The following KIAA1755 variants were observed in gnomAD, a reference collection of about 807,000 sequenced individuals.
The protein encoded by KIAA1755 is KIAA1755, also known as uncharacterized protein KIAA1755.
KIAA1755 carries 68 observed loss-of-function variants against 91.7 expected under a neutral mutation model. That is an observed-to-expected ratio of 0.74 (90% CI 0.61 to 0.91). The LOEUF is 0.91. KIAA1755 is among the 40% of genes least tolerant of loss of function. KIAA1755 has a pLI of 0.00. For synonymous variants in KIAA1755, 610 were observed against 604.6 expected, an observed-to-expected ratio of 1.01 and a Z score of -0.13; for missense variants, 1,535 against 1,494.4, an observed-to-expected ratio of 1.03 and a Z score of -0.45.
intron 10 of KIAA1755, among the ~76,000 whole-genome samples, chr20:38,220,714 G>A (rs534142528): frequency 2.0e-5 from 3 of 152,172 alleles, no homozygotes; most frequent in African/African-American, 7.2e-5. Flanking sequence ...AGTGCCCAGC[G>A]CACGATGTTT....
intron 1 of KIAA1755, among the ~76,000 whole-genome samples, chr20:38,259,648 T>G (rs2076405411): frequency 6.6e-6 from 1 of 151,580 alleles, no homozygotes; most frequent in Non-Finnish European, 1.5e-5. Flanking sequence ...AGTCACAGGG[T>G]TAAAGCCTTG....
At chr20:38,228,723 G>C (rs1256475159) in intron 5 of KIAA1755, among the ~76,000 whole-genome samples, 2 of 152,160 alleles carry the variant, frequency 1.3e-5, no homozygotes, top group African/African-American at 4.8e-5. Context: ...TGATATGTGA[G>C]GGAAAGTTTT....
chr20:38,227,472 C>T (rs750368999), intron 6 of KIAA1755, among the ~76,000 whole-genome samples: 1 of 152,238 alleles, frequency 6.6e-6, no homozygotes, highest in East Asian at 1.9e-4. Flanking sequence ...AGATGACCTG[C>T]CCCTCTGGGC....
At position 38,234,173 on chromosome 20, in the gene KIAA1755, TATA is replaced by T. The variant is rs778642120; in HGVS notation, c.1748-2851_1748-2849del. Among the ~76,000 whole-genome samples, 10 of 152,350 alleles carry T rather than the reference TATA, an allele frequency of 6.6e-5. No homozygotes were observed. The East Asian group carries it at 1.7e-3, about 26-fold the overall frequency. On this transcript the variant is annotated intron_variant, in intron 4 of 13. Transcript: ENST00000279024. Reference sequence around the variant, plus strand: ...CGTTATGGCAGTCCTGGGACACTAATATACTAAGTCTCCCCTTGCCACCAATGA... The same window carrying T: ...CGTTATGGCAGTCCTGGGACACTAATCTAAGTCTCCCCTTGCCACCAATGA...
chr20:38,233,165 T>G (rs1377714306), intron 4 of KIAA1755: 2 of 152,122 alleles, frequency 1.3e-5, no homozygotes, highest in African/African-American at 4.8e-5. Context: ...AATGGTATTG[T>G]GATTATTAGG....
chr20:38,239,335 G>T (rs887523404), intron 4 of KIAA1755, among the ~76,000 whole-genome samples, 193 bp downstream of exon 4: 5 of 152,260 alleles, frequency 3.3e-5, no homozygotes, highest in African/African-American at 1.2e-4. Context: ...ATGGGTGGAT[G>T]GATACCAACA....
At position 38,213,696 on chromosome 20, in the gene KIAA1755, C is replaced by A. The variant is rs1324710254; in HGVS notation, c.2949G>T (p.Arg983Ser). 2.6e-6 allele frequency: 4 copies of A among 1,544,244 alleles called. No homozygotes were observed. In the East Asian group the frequency reaches 9.1e-5, roughly 35 times the overall value. ...GACTGACCCTTGAGGTCTTGTCCAG[C>A]CTGAGCTGGGCCATCAGGTCCTGAC... ...MDCQDLMAQL[R>S]LDKTSRVSPG... Residue 983 changes from arginine to serine, a missense_variant, in exon 14 of 14, where the codon AGG becomes AGT. Transcript: ENST00000279024.
intron 1 of KIAA1755, 149 bp from the exon 2 acceptor site, chr20:38,246,275 GCCACA>G: frequency 1.5e-6 from 1 of 655,142 alleles, no homozygotes; most frequent in Non-Finnish European, 2.6e-6. Context: ...ATCACTGCCA[GCCACA>G]CTGGCCTTCT....
chr20:38,232,325 A>T (rs976995747), intron 4 of KIAA1755, among the ~76,000 whole-genome samples: 3 of 152,284 alleles, frequency 2.0e-5, no homozygotes, highest in South Asian at 4.1e-4. Context: ...TATAATTTTT[A>T]AAATAAAAAA....
Position 38,218,140 on chromosome 20 carries a change from T to C in KIAA1755, c.2679+104A>G, listed in dbSNP as rs956965825. On this transcript the variant is annotated intron_variant, in intron 12 of 13. Transcript: ENST00000279024. ...TGGTTCCCTCACTGTCTCTGGAACT[T>C]TTCTTGCTCTTTCCCACCTCCACAG... The C allele has an allele frequency of 1.6e-5, 24 of 1,490,664 alleles. No individual in the cohort carries two copies. The African/African-American group carries it at 3.2e-4, about 20-fold the overall frequency. The allele number at this position is 1,490,664 out of a possible 1,614,324, so 92.3% of individuals were successfully genotyped here. A position where few individuals can be genotyped will look rare whatever the true frequency, so the allele number is the denominator to read the frequency against.
intron 2 of KIAA1755, among the ~76,000 whole-genome samples, chr20:38,243,714 T>C (rs1204750532): frequency 6.6e-6 from 1 of 152,184 alleles, no homozygotes; most frequent in African/African-American, 2.4e-5. Context: ...CCAGACTTCA[T>C]GTGAAGGTGG....
In KIAA1755 at chr20:38,239,516, A is replaced by G; in HGVS notation, c.1747+12T>C. On this transcript the variant is annotated intron_variant, in intron 4 of 13. Coordinates refer to ENST00000279024, the MANE Select transcript of KIAA1755 (RefSeq NM_001029864.2). ...TCCCTCCCTACCACCTCCTGCTTGA[A>G]TCCCCTGGAACCTGGCAGGCATGCT... 1 of 1,613,010 alleles carries G rather than the reference A, an allele frequency of 6.2e-7. No individual in the cohort carries two copies. Among genetic ancestry groups the G allele is most frequent in the Non-Finnish European group, 8.5e-7 (1 of 1,179,586 alleles).
At chr20:38,234,569 T>G (rs1221705709) in intron 4 of KIAA1755, among the ~76,000 whole-genome samples, 2 of 152,210 alleles carry the variant, frequency 1.3e-5, no homozygotes, top group East Asian at 3.8e-4. Context: ...GGGATCTTGT[T>G]AGAATGCAGA....
At position 38,240,460 on chromosome 20, in the gene KIAA1755, T is replaced by C. The variant is rs1400505510; in HGVS notation, c.1549+122A>G. On this transcript the variant is annotated intron_variant, in intron 3 of 13. Coordinates refer to ENST00000279024, the MANE Select transcript of KIAA1755 (RefSeq NM_001029864.2). ...AAGCCCCTTAACATGCCACACTGTA[T>C]ACTAAACCCCTGAAGCTGAGCCAGC... 18 of 997,904 alleles carry C rather than the reference T, an allele frequency of 1.8e-5. No individual in the cohort carries two copies. In the Admixed American group the frequency reaches 4.7e-4, roughly 26 times the overall value. The allele number at this position is 997,904 out of a possible 1,614,324, so 61.8% of individuals were successfully genotyped here.
At chr20:38,217,782 C>T (rs2075577385) in intron 12 of KIAA1755, 1 of 515,690 alleles carries the variant, frequency 1.9e-6, no homozygotes, top group Non-Finnish European at 3.5e-6. Context: ...TCCAAAGGCT[C>T]CTGCTCTGAG....
intron 4 of KIAA1755, among the ~76,000 whole-genome samples, chr20:38,236,102 T>C (rs181560486): frequency 3.3e-5 from 5 of 152,252 alleles, no homozygotes; most frequent in African/African-American, 1.2e-4. Flanking sequence ...GAATACAATT[T>C]AATGGGAGAG....
rs745506196 is a variant in KIAA1755, at chr20:38,223,550, A to C, written c.2256T>G (p.Pro752=). Residue 752 remains proline (P), a synonymous_variant, in exon 9 of 14, where the codon CCT becomes CCG. Transcript: ENST00000279024. ...SIEEFEKADP[P]GGMQEATRCL... ...GCTCCAGGCTCACCTGCATCCCCCC[A>C]GGGGGGTCGGCCTTCTCGAATTCCT... The C allele has an allele frequency of 6.3e-7, 1 of 1,594,852 alleles. No individual in the cohort carries two copies.
At position 38,222,507 on chromosome 20, in the gene KIAA1755, C is replaced by T. The variant is rs201309851; in HGVS notation, c.2359G>A (p.Ala787Thr). The T allele has an allele frequency of 7.1e-5, 115 of 1,613,728 alleles. No homozygotes were observed. The highest frequency in any genetic ancestry group is 1.7e-4 in the Middle Eastern group (1 of 6,000). ...GLLGLQREGGATLARLQHDAS... is the reference protein window; with the variant it reads ...GLLGLQREGGTTLARLQHDAS... ...TCATGCTGCAGCCTGGCCAGGGTGG[C>T]TCCACCTTCCCGCTGGAGGCCCAGT... Residue 787 changes from alanine (A) to threonine (T), a missense_variant, in exon 10 of 14, where the codon GCC becomes ACC. Ala to Thr is a moderately conservative substitution (Grantham distance 58). Coordinates refer to ENST00000279024, the MANE Select transcript of KIAA1755 (RefSeq NM_001029864.2).
chr20:38,225,409 C>A, intron 8 of KIAA1755: 1 of 496,208 alleles, frequency 2.0e-6, no homozygotes, highest in East Asian at 4.0e-5. Context: ...CCCTGTTTAG[C>A]TGATGAGGAA....
Sources: allele counts gnomAD v4.1 joint callset (sites outside exome capture counted in the v4.1 genomes callset), GRCh38; gene constraint gnomAD v4.1.1; transcripts MANE v1.5; gene names NCBI Gene and HGNC (gene_info 2026-07-23, HGNC 2026-07-21).